PJVK: variants seen among roughly 807,000 people sequenced by gnomAD.
PJVK encodes the protein pejvakin, also known as autosomal recessive deafness type 59 protein.
In PJVK, 33 loss-of-function variants were observed where a neutral mutation model predicts 37.6. That is an observed-to-expected ratio of 0.88 (90% CI 0.67 to 1.17). The LOEUF (loss-of-function observed/expected upper bound fraction) is 1.17, where lower values mean the gene tolerates loss of function less well. PJVK is among the 50% of genes most tolerant of loss of function. PJVK has a pLI of 0.00. For missense variants in PJVK, 410 were observed against 413.8 expected (o/e 0.99, Z 0.08); for synonymous variants, 141 against 143.5 (o/e 0.98, Z 0.13).
rs553505406 is a variant in PJVK, at chr2:178,455,345, G to A, written c.408-665G>A. On this transcript the variant is annotated intron_variant, in intron 3 of 6. Transcript: ENST00000644580. ...GAAGTCCATGGGGCTGCCAACCTCA[G>A]ACGAACAGAAGAAACAGGAGATTCT... The A allele has an allele frequency of 5.2e-5, 67 of 1,294,754 alleles. 1 individual carries two copies. In the South Asian group the frequency reaches 7.8e-4, roughly 15 times the overall value. 80.2% of individuals were successfully genotyped at this position (1,294,754 alleles called of 1,614,324 possible).
intron 3 of PJVK, chr2:178,455,116 G>T (rs932624471): frequency 7.5e-6 from 12 of 1,598,242 alleles, no homozygotes; most frequent in Admixed American, 5.0e-5. Context: ...AAGTGAAGGC[G>T]GAGGAGAGCT....
chr2:178,462,042 T>C lies in PJVK; in HGVS notation c.*768T>C, dbSNP rs1330836789. ...TGGTAAAATGAGAAAAATGTGTTAA[T>C]AATTTAATGCAATCTTAAATGTTTA... On this transcript the variant is annotated 3_prime_UTR_variant, in exon 7 of 7. Coordinates refer to ENST00000644580, the MANE Select transcript of PJVK (RefSeq NM_001042702.5). 6.6e-6 allele frequency among the ~76,000 whole-genome samples: 1 copy of C among 152,246 alleles called. No individual in the cohort carries two copies. The highest frequency in any genetic ancestry group is 6.5e-5 in the Admixed American group (1 of 15,286).
Position 178,458,602 on chromosome 2 carries a change from C to G in PJVK, c.642C>G (p.Leu214=), listed in dbSNP as rs542871573. 1 of 1,613,744 alleles carries G rather than the reference C, an allele frequency of 6.2e-7. No individual in the cohort carries two copies. Among genetic ancestry groups the G allele is most frequent in the Non-Finnish European group, 8.5e-7 (1 of 1,179,704 alleles). ...HTTIAFSVFE[L]FIYLDGAFDL... ...CCATAGCTTTCAGTGTTTTTGAACT[C>G]TTCATATACCTGGATGGTGCCTTTG... Residue 214 remains leucine, a synonymous_variant, in exon 5 of 7, where the codon CTC becomes CTG. Transcript: ENST00000644580.
rs764862274 is a variant in PJVK at position 178,453,490 on chromosome 2, A to C, written c.81A>C (p.Glu27Asp). The C allele has an allele frequency of 6.2e-7, 1 of 1,614,146 alleles. No homozygotes were observed. Among genetic ancestry groups the C allele is most frequent in the South Asian group, 1.1e-5 (1 of 91,082 alleles). Reference protein sequence around the residue: ...GRLVPVPSLSEADKYQPLSLV... With the variant: ...GRLVPVPSLSDADKYQPLSLV... ...TAGTTCCTGTTCCAAGCCTCAGTGA[A>C]GCTGACAAATATCAACCTCTAAGTC... Residue 27 changes from glutamate to aspartate, a missense_variant, in exon 2 of 7, where the codon GAA becomes GAC. Physicochemically the swap from Glu to Asp is conservative, Grantham distance 45. Coordinates refer to ENST00000644580, the MANE Select transcript of PJVK (RefSeq NM_001042702.5).
At chr2:178,460,904 T>A in intron 6 of PJVK, 78 bp from the exon 7 acceptor site, 2 of 1,116,624 alleles carry the variant, frequency 1.8e-6, no homozygotes, top group Non-Finnish European at 2.6e-6. Context: ...TGGATTCACA[T>A]ATTTATTAAT....
chr2:178,453,923 T>C lies in PJVK; in HGVS notation c.211+303T>C, dbSNP rs552686451. On this transcript the variant is annotated intron_variant, in intron 2 of 6. Coordinates refer to ENST00000644580, the MANE Select transcript of PJVK (RefSeq NM_001042702.5). ...AAATGGGATATTATTTGGGCTTACC[T>C]ATGTTACATGGTCAAATGAGATGAA... 3.6e-3 allele frequency: 1,317 copies of C among 361,670 alleles called. 7 individuals carry two copies. Among genetic ancestry groups the C allele is most frequent in the Non-Finnish European group, 5.9e-3 (1,095 of 185,706 alleles). 22.4% of individuals were successfully genotyped at this position (361,670 alleles called of 1,614,324 possible). A position where few individuals can be genotyped will look rare whatever the true frequency, so the allele number is the denominator to read the frequency against.
At chr2:178,455,882 A>G in intron 3 of PJVK, 128 bp from the exon 4 acceptor site, 1 of 1,031,228 alleles carries the variant, frequency 9.7e-7, no homozygotes, top group Non-Finnish European at 1.4e-6. Flanking sequence ...GTATTTTCTG[A>G]CTATTAGGAT....
At chr2:178,453,693 C>A in intron 2 of PJVK, 73 bp downstream of exon 2, 1 of 1,223,094 alleles carries the variant, frequency 8.2e-7, no homozygotes, top group Non-Finnish European at 1.2e-6. Context: ...GTCATATATG[C>A]TACTTATGTT....
At position 178,461,584 on chromosome 2, in the gene PJVK, C is replaced by CTTTTTTTT. The variant is rs536141412; in HGVS notation, c.*321_*328dup. ...GATGTAGTCTATCATTTTAGTTCAC[C>CTTTTTTTT]TTTTTTTTTTTTTTTTTTGAGACAG... On this transcript the variant is annotated 3_prime_UTR_variant, in exon 7 of 7. Transcript: ENST00000644580. 1.2e-4 allele frequency among the ~76,000 whole-genome samples: 15 copies of CTTTTTTTT among 122,784 alleles called. 1 individual carries two copies. The highest frequency in any genetic ancestry group is 2.7e-4 in the East Asian group (1 of 3,644). 80.6% of individuals were successfully genotyped at this position (122,784 alleles called of 152,430 possible).
At chr2:178,455,938 T>C (rs1322535284) in intron 3 of PJVK, 72 bp from the exon 4 acceptor site, 34 of 1,555,720 alleles carry the variant, frequency 2.2e-5, no homozygotes, top group Non-Finnish European at 2.7e-5. Context: ...TAACACATGA[T>C]AGCAAAAAAT....
chr2:178,459,459 G>A (rs960789682), intron 5 of PJVK, among the ~76,000 whole-genome samples: 3 of 152,112 alleles, frequency 2.0e-5, no homozygotes, highest in Non-Finnish European at 4.4e-5. Context: ...GAGGTATTTT[G>A]ATACGGGCAT....
chr2:178,451,817 C>T (rs573570105), intron 1 of PJVK, 48 bp downstream of exon 1: 86 of 985,440 alleles, frequency 8.7e-5, no homozygotes, highest in East Asian at 1.1e-4. Flanking sequence ...AAGGCCTTTC[C>T]GGGGACCTGG....
intron 4 of PJVK, 26 bp downstream of exon 4, chr2:178,456,177 TACTA>T (rs1559368695): frequency 1.2e-6 from 2 of 1,611,832 alleles, no homozygotes; most frequent in Non-Finnish European, 1.7e-6. Flanking sequence ...TGGGTTCTCT[TACTA>T]ACTAAAGTGT....
At chr2:178,457,525 G>A (rs1005375388) in intron 4 of PJVK, among the ~76,000 whole-genome samples, 1 of 152,186 alleles carries the variant, frequency 6.6e-6, no homozygotes, top group African/African-American at 2.4e-5. Flanking sequence ...CTGAGGCAGG[G>A]GGCTGCCTGC....
At chr2:178,455,619 A>G (rs1031079357) in intron 3 of PJVK, among the ~76,000 whole-genome samples, 1 of 152,046 alleles carries the variant, frequency 6.6e-6, no homozygotes, top group South Asian at 2.1e-4. Context: ...GCCTACTGTT[A>G]CACATTAAAA....
intron 1 of PJVK, 54 bp from the exon 2 acceptor site, chr2:178,453,334 T>A: frequency 6.9e-7 from 1 of 1,458,626 alleles, no homozygotes; most frequent in South Asian, 1.2e-5. Flanking sequence ...CAAGCAATGC[T>A]TAATTTTGTG....
In PJVK at chr2:178,454,804, C is replaced by T. The variant is rs116541768; in HGVS notation, c.407+277C>T. ...CTAGAGATTGACCAGAAATAGGATG[C>T]AGAGAATCATGAGGCCCAGATCAAG... On this transcript the variant is annotated intron_variant, in intron 3 of 6. Coordinates refer to ENST00000644580, the MANE Select transcript of PJVK (RefSeq NM_001042702.5). 1.7e-3 allele frequency: 2,513 copies of T among 1,484,994 alleles called. 40 individuals carry two copies. In the African/African-American group the frequency reaches 0.03, roughly 18 times the overall value. 92.0% of individuals were successfully genotyped at this position (1,484,994 alleles called of 1,614,324 possible). A position where few individuals can be genotyped will look rare whatever the true frequency, so the allele number is the denominator to read the frequency against.
intron 1 of PJVK, chr2:178,452,671 A>G (rs941099990): frequency 1.0e-6 from 1 of 974,288 alleles, no homozygotes; most frequent in Non-Finnish European, 1.2e-6. Flanking sequence ...AAACAAAAAG[A>G]TGCAGCAGGA....
At position 178,461,213 on chromosome 2, in the gene PJVK, A is replaced by G; in HGVS notation, c.998A>G (p.Gln333Arg). ...TGCTTTCAGTGTTCTGTTGATGGTC[A>G]GAAGTATGTGAGACTTCATGCAGTT... is the stretch of plus-strand genomic sequence containing the variant. ...YGCFQCSVDG[Q>R]KYVRLHAVPC... The change falls in exon 7 of 7, where the codon CAG becomes CGG. Residue 333 changes from glutamine to arginine, a missense_variant. Coordinates refer to ENST00000644580, the MANE Select transcript of PJVK (RefSeq NM_001042702.5). The G allele has an allele frequency of 1.2e-6, 2 of 1,614,222 alleles. No homozygotes were observed. The highest frequency in any genetic ancestry group is 2.2e-5 in the East Asian group (1 of 44,876).
Sources: gnomAD v4.1 joint callset for allele counts (sites outside exome capture counted in the v4.1 genomes callset) on GRCh38, gnomAD v4.1.1 for gene constraint, MANE v1.5 for transcripts, NCBI Gene and HGNC (gene_info 2026-07-23, HGNC 2026-07-21) for gene names.